The following RERE variants were observed in gnomAD, a reference collection of about 807,000 sequenced individuals.
RERE encodes arginine-glutamic acid dipeptide repeats.
Under a neutral mutation model 146.1 loss-of-function variants are expected in RERE, and 40 were observed. The observed-to-expected ratio is 0.27, with a 90% CI of 0.21 to 0.36. RERE has a LOEUF of 0.36. RERE is among the 10% of genes least tolerant of loss of function. The probability of loss-of-function intolerance (pLI) is 1.00; values close to 1 mark genes in which losing one functional copy is unlikely to be tolerated. For synonymous variants in RERE, 1,003 were observed against 866.0 expected, an observed-to-expected ratio of 1.16 and a Z score of -2.78; for missense variants, 1,933 against 2,138.7, an observed-to-expected ratio of 0.90 and a Z score of 1.90.
chr1:8,554,444 T>C (rs1038722943), intron 6 of RERE, among the ~76,000 whole-genome samples: 2 of 152,104 alleles, frequency 1.3e-5, no homozygotes, highest in East Asian at 3.9e-4. Context: ...CCCAGCACTT[T>C]GGGAGGTCAA....
At chr1:8,564,113 G>A (rs1242597404) in intron 4 of RERE, among the ~76,000 whole-genome samples, 1 of 152,102 alleles carries the variant, frequency 6.6e-6, no homozygotes, top group Non-Finnish European at 1.5e-5. Context: ...AAGACCTTGG[G>A]GACACAGTCA....
At position 8,624,464 on chromosome 1, in the gene RERE, A is replaced by C; in HGVS notation, c.326-84T>G. On this transcript the variant is annotated intron_variant, in intron 2 of 22. Transcript: ENST00000400908. ...GGCCCATAAAGCCACTGCATAAATAAATAAATGACAAAGCACATATCTTTT... is the reference window on the plus strand; with the variant it reads ...GGCCCATAAAGCCACTGCATAAATACATAAATGACAAAGCACATATCTTTT... 6.0e-6 allele frequency: 5 copies of C among 830,970 alleles called. No individual in the cohort carries two copies. In the South Asian group the frequency reaches 7.5e-5, roughly 12 times the overall value. The allele number at this position is 830,970 out of a possible 1,614,324, so 51.5% of individuals were successfully genotyped here. A position where few individuals can be genotyped will look rare whatever the true frequency, so the allele number is the denominator to read the frequency against.
rs1337189989 is a variant in RERE at position 8,364,902 on chromosome 1, C to T, written c.1448-64G>A. 11 of 48,134 alleles carry T rather than the reference C, an allele frequency of 2.3e-4. No homozygotes were observed. In the East Asian group the frequency reaches 3.9e-3, roughly 17 times the overall value. 3.0% of individuals were successfully genotyped at this position (48,134 alleles called of 1,614,324 possible). A position where few individuals can be genotyped will look rare whatever the true frequency, so the allele number is the denominator to read the frequency against. On this transcript the variant is annotated intron_variant, in intron 13 of 22. Transcript: ENST00000400908. The surrounding 1 kb of genome is among the most constrained non-coding windows in gnomAD (Gnocchi z 5.1). The stretch of plus-strand genomic sequence containing the variant: ...CCATCATGCTCAGCCAAGGCTGGGC[C>T]GGTGGGGTGGGGGGGAGGGGGGAAC...
At chr1:8,667,434 G>C (rs1178986252) in intron 1 of RERE, among the ~76,000 whole-genome samples, 2 of 152,264 alleles carry the variant, frequency 1.3e-5, no homozygotes, top group African/African-American at 2.4e-5. Context: ...CAGCATGTTC[G>C]GGGGGCCGAG....
At chr1:8,448,698 G>A (rs1044499273) in intron 11 of RERE, among the ~76,000 whole-genome samples, 5 of 152,066 alleles carry the variant, frequency 3.3e-5, no homozygotes, top group African/African-American at 7.2e-5. Context: ...TGGCCCTGGC[G>A]CACATCTGTA....
At chr1:8,408,186 T>TA (rs1416677030) in intron 12 of RERE, among the ~76,000 whole-genome samples, 1 of 151,388 alleles carries the variant, frequency 6.6e-6, no homozygotes, top group Admixed American at 6.6e-5. Context: ...TAACCTTGGC[T>TA]AAGTTAACCT....
chr1:8,628,112 C>G (rs1055241373), intron 2 of RERE, among the ~76,000 whole-genome samples: 1 of 152,114 alleles, frequency 6.6e-6, no homozygotes, highest in East Asian at 1.9e-4. Context: ...TCAAACTGAT[C>G]CAAAGCTATG....
rs1456773957 is a variant in RERE at position 8,666,136 on chromosome 1, A to G, written c.-144-9695T>C. 2.0e-5 allele frequency among the ~76,000 whole-genome samples: 3 copies of G among 152,296 alleles called. No homozygotes were observed. The East Asian group carries it at 5.8e-4, about 29-fold the overall frequency. On this transcript the variant is annotated intron_variant, in intron 1 of 22. Coordinates refer to ENST00000400908, the MANE Select transcript of RERE (RefSeq NM_001042681.2). ...TCCAATACAGTAGGTTAAGTGAAAA[A>G]GGTGCTGCCAGGCTACTGAGATGAA...
chr1:8,414,055 C>CAAAAAAAAAA (rs71580026), intron 12 of RERE, among the ~76,000 whole-genome samples: 2 of 91,760 alleles, frequency 2.2e-5, no homozygotes, highest in Non-Finnish European at 4.2e-5. Context: ...AACTCCATCT[C>CAAAAAAAAAA]AAAAAAAAAA....
In RERE at chr1:8,756,560, T is replaced by C. The variant is rs138942781; in HGVS notation, c.-145+60600A>G. On this transcript the variant is annotated intron_variant, in intron 1 of 22. Transcript: ENST00000400908. The stretch of plus-strand genomic sequence containing the variant: ...TTTATGCATCTTGGCTCAAGAGCCA[T>C]AAAAAAAAAGTTATTAAAATTAATG... Among the ~76,000 whole-genome samples, 828 of 151,634 alleles carry C rather than the reference T, an allele frequency of 5.5e-3. 9 individuals are homozygous for C. Among genetic ancestry groups the C allele is most frequent in the African/African-American group, 0.019 (793 of 41,412 alleles).
At chr1:8,652,083 C>T (rs1423257808) in intron 2 of RERE, among the ~76,000 whole-genome samples, 1 of 152,198 alleles carries the variant, frequency 6.6e-6, no homozygotes, top group Non-Finnish European at 1.5e-5. Flanking sequence ...AGGCAGCTAA[C>T]TCAGCTTCAA....
intron 1 of RERE, among the ~76,000 whole-genome samples, chr1:8,767,167 T>C (rs892508845): frequency 6.6e-6 from 1 of 152,212 alleles, no homozygotes; most frequent in Non-Finnish European, 1.5e-5. Context: ...CATGTAGCAT[T>C]ACTGGTTGAA....
intron 5 of RERE, 58 bp downstream of exon 5, chr1:8,557,358 TAG>T (rs1305464716): frequency 1.2e-4 from 131 of 1,118,748 alleles, no homozygotes; most frequent in Non-Finnish European, 1.7e-4. Flanking sequence ...GAAATGTCTT[TAG>T]AAAGAACTTT....
At chr1:8,522,547 C>G (rs946309057) in intron 7 of RERE, among the ~76,000 whole-genome samples, 1 of 152,062 alleles carries the variant, frequency 6.6e-6, no homozygotes, top group African/African-American at 2.4e-5. Context: ...ACAGTAGCCA[C>G]GAGTCAAGGA....
chr1:8,758,415 G>A (rs545726640), intron 1 of RERE, among the ~76,000 whole-genome samples: 34 of 147,482 alleles, frequency 2.3e-4, no homozygotes, highest in African/African-American at 7.3e-4. Context: ...TTAAAGAAAC[G>A]GGGTTTCACT....
intron 1 of RERE, among the ~76,000 whole-genome samples, chr1:8,777,169 T>A (rs1231049122): frequency 6.6e-6 from 1 of 152,228 alleles, no homozygotes; most frequent in Non-Finnish European, 1.5e-5. Flanking sequence ...GTTATCAATA[T>A]TTTATCTGCT....
chr1:8,634,953 T>C (rs1007691661), intron 2 of RERE, among the ~76,000 whole-genome samples: 4 of 152,290 alleles, frequency 2.6e-5, no homozygotes, highest in Non-Finnish European at 5.9e-5. Context: ...GCCAGGATGG[T>C]CTTGATCTCC....
Position 8,508,895 on chromosome 1 carries a change from CTTTCA to C in RERE, c.831-225_831-221del, listed in dbSNP as rs1326139120. Among the ~76,000 whole-genome samples the C allele has an allele frequency of 5.3e-5, 8 of 152,144 alleles. 1 individual carries two copies. The highest frequency in any genetic ancestry group is 3.3e-4 in the Admixed American group (5 of 15,278). On this transcript the variant is annotated intron_variant, in intron 7 of 22. Coordinates refer to ENST00000400908, the MANE Select transcript of RERE (RefSeq NM_001042681.2). ...TGAAAATCCTAAGAACTGCAGCTTCCTTTCATGAGAACCTTCCTACATCATCGTTC... is the reference window on the plus strand; with the variant it reads ...TGAAAATCCTAAGAACTGCAGCTTCCTGAGAACCTTCCTACATCATCGTTC...
intron 11 of RERE, among the ~76,000 whole-genome samples, chr1:8,434,149 A>T (rs1232511193): frequency 6.6e-6 from 1 of 152,168 alleles, no homozygotes; most frequent in Non-Finnish European, 1.5e-5. Context: ...CCCAGTTAAG[A>T]TTAGCTATAG....
Sources: gnomAD v4.1 joint callset for allele counts (sites outside exome capture counted in the v4.1 genomes callset) on GRCh38, gnomAD v4.1.1 for gene constraint, Gnocchi (gnomAD v3.1) non-coding constraint, MANE v1.5 for transcripts, NCBI Gene and HGNC (gene_info 2026-07-23, HGNC 2026-07-21) for gene names.